Variants in GH2 observed in about 807,000 individuals in gnomAD.
GH2 encodes the protein growth hormone variant.
Under a neutral mutation model 24.1 loss-of-function variants are expected in GH2, and 17 were observed. The ratio of observed to expected loss-of-function variants is 0.71; its 90% CI spans 0.48 to 1.06. The LOEUF is 1.06. Among genes scored for constraint, GH2 ranks in the 50% least tolerant of loss-of-function variants. GH2 has a pLI of 0.00. For synonymous variants in GH2, 126 were observed against 118.7 expected, an observed-to-expected ratio of 1.06 and a Z score of -0.40; for missense variants, 305 against 273.1, an observed-to-expected ratio of 1.12 and a Z score of -0.82.
Position 63,881,358 on chromosome 17 carries a change from C to A in GH2, c.171+1G>T, listed in dbSNP as rs1800446. ...AGCGCACCCATTACCCAAGAGCTTA[C>A]AAACTCCTGATAGGTGTCATATGCC... is the stretch of plus-strand genomic sequence containing the variant. On this transcript the variant is annotated splice_donor_variant, in intron 2 of 4. Coordinates refer to ENST00000423893, the MANE Select transcript of GH2 (RefSeq NM_002059.5). LOFTEE classifies it high-confidence loss of function. 1.9e-6 allele frequency: 3 copies of A among 1,614,046 alleles called. No homozygotes were observed. Among genetic ancestry groups the A allele is most frequent in the Non-Finnish European group, 2.5e-6 (3 of 1,179,918 alleles).
At chr17:63,881,564 G>A in intron 1 of GH2, 45 bp from the exon 2 acceptor site, 16 of 1,611,596 alleles carry the variant, frequency 9.9e-6, no homozygotes, top group Non-Finnish European at 1.4e-5. Context: ...GAGAGCAAGA[G>A]GCCAGCGCTC....
intron 2 of GH2, 32 bp downstream of exon 2, chr17:63,881,327 C>A (rs1419133676): frequency 6.2e-7 from 1 of 1,613,678 alleles, no homozygotes; most frequent in Non-Finnish European, 8.5e-7. Context: ...TTCCTGCCAC[C>A]TCTGAAGCGC....
chr17:63,880,601 C>A, intron 4 of GH2, 83 bp from the exon 5 acceptor site: 2 of 1,613,934 alleles, frequency 1.2e-6, no homozygotes, highest in Non-Finnish European at 1.7e-6. Context: ...TTCCTCCCTC[C>A]CCTCCAGGTT....
intron 4 of GH2, 82 bp from the exon 5 acceptor site, chr17:63,880,600 C>T: frequency 6.2e-7 from 1 of 1,613,926 alleles, no homozygotes; most frequent in East Asian, 2.2e-5. Context: ...TTTCCTCCCT[C>T]CCCTCCAGGT....
intron 1 of GH2, 37 bp from the exon 2 acceptor site, chr17:63,881,556 G>C (rs1397495544): frequency 6.2e-7 from 1 of 1,612,968 alleles, no homozygotes; most frequent in Admixed American, 1.7e-5. Flanking sequence ...GGGAGCTGGA[G>C]AGCAAGAGGC....
Position 63,881,602 on chromosome 17 carries a change from T to C in GH2, c.11-83A>G, listed in dbSNP as rs531513102. 1.4e-4 allele frequency: 224 copies of C among 1,561,764 alleles called. 1 individual carries two copies. The highest frequency in any genetic ancestry group is 5.8e-4 in the South Asian group (51 of 87,558). On this transcript the variant is annotated intron_variant, in intron 1 of 4. Coordinates refer to ENST00000423893, the MANE Select transcript of GH2 (RefSeq NM_002059.5). ...CCTGTTCCAGGAGCTGGGTTTTTTT[T>C]TTTCTCTCTCTCTCTCTGCCTCCCT...
At position 63,880,831 on chromosome 17, in the gene GH2, C is replaced by A. The variant is rs752124297; in HGVS notation, c.397G>T (p.Asp133Tyr). Reference sequence around the variant, plus strand: ...TTCAGGTGGCGATAGACGTTGCTGTCCGAGGCGCCATACACCAGGCTGTTG... The same window carrying A: ...TTCAGGTGGCGATAGACGTTGCTGTACGAGGCGCCATACACCAGGCTGTTG... ...FANSLVYGAS[D>Y]SNVYRHLKDL... Residue 133 changes from aspartate to tyrosine, a missense_variant, in exon 4 of 5, where the codon GAC becomes TAC. Coordinates refer to ENST00000423893, the MANE Select transcript of GH2 (RefSeq NM_002059.5). 6.2e-7 allele frequency: 1 copy of A among 1,614,074 alleles called. No homozygotes were observed. Among genetic ancestry groups the A allele is most frequent in the Non-Finnish European group, 8.5e-7 (1 of 1,179,930 alleles).
Position 63,881,063 on chromosome 17 carries a change from G to A in GH2, c.257C>T (p.Thr86Ile). The A allele has an allele frequency of 1.2e-6, 2 of 1,614,074 alleles. No homozygotes were observed. The highest frequency in any genetic ancestry group is 8.5e-7 in the Non-Finnish European group (1 of 1,179,956). ...CTGCGTTTTCACCCTGTTGGAAGGT[G>A]TTGGAATAGACTCTGAGAAGCAGAG... ...TSLCFSESIP[T>I]PSNRVKTQQK... is the part of the protein sequence containing the mutation. The change falls in exon 3 of 5, where the codon ACA becomes ATA. Residue 86 changes from threonine to isoleucine, a missense_variant. Transcript: ENST00000423893.
Position 63,881,400 on chromosome 17 carries a change from G to A in GH2, c.130C>T (p.Arg44Cys). 2 of 1,614,048 alleles carry A rather than the reference G, an allele frequency of 1.2e-6. No homozygotes were observed. The highest frequency in any genetic ancestry group is 1.1e-5 in the South Asian group (1 of 91,082). Residue 44 changes from arginine (R) to cysteine (C), a missense_variant, in exon 2 of 5, where the codon CGT becomes TGT. Arg to Cys is a radical substitution (Grantham distance 180). Transcript: ENST00000423893. ...TCATATGCCAGCTGGTACAGGCGAC[G>A]GGCGCGGAGCATAGCGTTGTCAAAA... ...RLFDNAMLRA[R>C]RLYQLAYDTY... is the part of the protein sequence containing the mutation.
chr17:63,880,720 C>A, intron 4 of GH2, 52 bp downstream of exon 4: 1 of 1,614,074 alleles, frequency 6.2e-7, no homozygotes, highest in South Asian at 1.1e-5. Flanking sequence ...TCTCCCCAGT[C>A]CCTGGAAGCC....
Position 63,880,349 on chromosome 17 carries a change from C to T in GH2, c.626G>A (p.Arg209His), listed in dbSNP as rs773390813. 1 of 1,613,842 alleles carries T rather than the reference C, an allele frequency of 6.2e-7. No individual in the cohort carries two copies. Among genetic ancestry groups the T allele is most frequent in the South Asian group, 1.1e-5 (1 of 91,064 alleles). Residue 209 changes from arginine (R) to histidine (H), a missense_variant, in exon 5 of 5, where the codon CGC becomes CAC. Physicochemically the swap from Arg to His is conservative, Grantham distance 29. Coordinates refer to ENST00000423893, the MANE Select transcript of GH2 (RefSeq NM_002059.5). ...GAAGCCACAGCTGCCCTCCACAGAG[C>T]GGCACTGCACGATGCGCAGGAATGT... ...VETFLRIVQC[R>H]SVEGSCGF
Position 63,881,835 on chromosome 17 carries a change from T to A in GH2, c.-34A>T, listed in dbSNP as rs1446090793. On this transcript the variant is annotated 5_prime_UTR_variant, in exon 1 of 5. Coordinates refer to ENST00000423893, the MANE Select transcript of GH2 (RefSeq NM_002059.5). ...GGTGAGCTGTCCACAGGACCCTGAG[T>A]GGTTCGGGGAGTTGGGCCTTGGGAT... 6.2e-7 allele frequency: 1 copy of A among 1,613,644 alleles called. No homozygotes were observed. Among genetic ancestry groups the A allele is most frequent in the African/African-American group, 1.3e-5 (1 of 75,010 alleles).
rs1446943589 is a variant in GH2, at chr17:63,881,437, G to A, written c.93C>T (p.Pro31=). The change falls in exon 2 of 5, where the codon CCC becomes CCT. Residue 31 remains proline (P), a synonymous_variant. Coordinates refer to ENST00000423893, the MANE Select transcript of GH2 (RefSeq NM_002059.5). ...LQEGSAFPTI[P]LSRLFDNAML... ...TAGCGTTGTCAAAAAGCCTGGATAA[G>A]GGAATGGTTGGGAAGGCACTGCCCT... The A allele has an allele frequency of 6.2e-7, 1 of 1,614,042 alleles. No homozygotes were observed. The highest frequency in any genetic ancestry group is 1.7e-5 in the Admixed American group (1 of 60,012).
rs776337871 is a variant in GH2, at chr17:63,881,339, C to G, written c.171+20G>C. The G allele has an allele frequency of 2.0e-5, 33 of 1,613,738 alleles. No homozygotes were observed. Among genetic ancestry groups the G allele is most frequent in the Non-Finnish European group, 2.7e-5 (32 of 1,179,772 alleles). ...CCCTTCCTGCCACCTCTGAAGCGCACCCATTACCCAAGAGCTTACAAACTC... is the reference window on the plus strand; with the variant it reads ...CCCTTCCTGCCACCTCTGAAGCGCAGCCATTACCCAAGAGCTTACAAACTC... On this transcript the variant is annotated intron_variant, in intron 2 of 4. Coordinates refer to ENST00000423893, the MANE Select transcript of GH2 (RefSeq NM_002059.5).
intron 4 of GH2, 57 bp downstream of exon 4, chr17:63,880,715 C>A: frequency 6.2e-7 from 1 of 1,614,072 alleles, no homozygotes; most frequent in Non-Finnish European, 8.5e-7. Context: ...GTTTCTCTCC[C>A]CAGTCCCTGG....
Position 63,880,809 on chromosome 17 carries a change from A to T in GH2, c.419T>A (p.Leu140Gln). 1.2e-6 allele frequency: 2 copies of T among 1,614,086 alleles called. No homozygotes were observed. Among genetic ancestry groups the T allele is most frequent in the Non-Finnish European group, 1.7e-6 (2 of 1,179,948 alleles). The change falls in exon 4 of 5, where the codon CTG becomes CAG. Residue 140 changes from leucine to glutamine, a missense_variant. Leu to Gln is a moderately radical substitution (Grantham distance 113). Transcript: ENST00000423893. Reference protein sequence around the residue: ...GASDSNVYRHLKDLEEGIQTL... With the variant: ...GASDSNVYRHQKDLEEGIQTL... Reference sequence around the variant, plus strand: ...TTGGATGCCTTCCTCTAGGTCCTTCAGGTGGCGATAGACGTTGCTGTCCGA... The same window carrying T: ...TTGGATGCCTTCCTCTAGGTCCTTCTGGTGGCGATAGACGTTGCTGTCCGA...
At position 63,881,345 on chromosome 17, in the gene GH2, A is replaced by C. The variant is rs773147716; in HGVS notation, c.171+14T>G. On this transcript the variant is annotated intron_variant, in intron 2 of 4. Coordinates refer to ENST00000423893, the MANE Select transcript of GH2 (RefSeq NM_002059.5). ...CTGCCACCTCTGAAGCGCACCCATT[A>C]CCCAAGAGCTTACAAACTCCTGATA... The C allele has an allele frequency of 3.5e-5, 57 of 1,613,624 alleles. No homozygotes were observed. The highest frequency in any genetic ancestry group is 1.1e-4 in the South Asian group (10 of 91,076).
rs1905457948 is a variant in GH2, at chr17:63,880,791, C to T, written c.437G>A (p.Gly146Asp). Residue 146 changes from glycine (G) to aspartate (D), a missense_variant, in exon 4 of 5, where the codon GGC (glycine) becomes GAC (aspartate). Gly to Asp is a moderately conservative substitution (Grantham distance 94). Coordinates refer to ENST00000423893, the MANE Select transcript of GH2 (RefSeq NM_002059.5). ...VYRHLKDLEE[G>D]IQTLMWRLED... ...CCTCACCCACATCAGCGTTTGGATG[C>T]CTTCCTCTAGGTCCTTCAGGTGGCG... 4 of 1,614,114 alleles carry T rather than the reference C, an allele frequency of 2.5e-6. No homozygotes were observed. The highest frequency in any genetic ancestry group is 3.4e-6 in the Non-Finnish European group (4 of 1,179,964).
At position 63,881,016 on chromosome 17, in the gene GH2, G is replaced by C; in HGVS notation, c.291+13C>G. ...CTACCCCATCCCCACCTGGGGAGAA[G>C]GCATCCACTCACAGATTTCTGCTGC... On this transcript the variant is annotated intron_variant, in intron 3 of 4. Coordinates refer to ENST00000423893, the MANE Select transcript of GH2 (RefSeq NM_002059.5). 4 of 1,614,036 alleles carry C rather than the reference G, an allele frequency of 2.5e-6. No homozygotes were observed. Among genetic ancestry groups the C allele is most frequent in the Non-Finnish European group, 3.4e-6 (4 of 1,179,948 alleles).
Sources: allele counts gnomAD v4.1 joint callset, GRCh38; gene constraint gnomAD v4.1.1; transcripts MANE v1.5; gene names NCBI Gene and HGNC (gene_info 2026-07-23, HGNC 2026-07-21).